SNX29: variants seen among roughly 807,000 people sequenced by gnomAD.
The protein encoded by SNX29 is sorting nexin 29.
A neutral mutation model predicts 102.1 loss-of-function variants in SNX29; 78 were observed. The observed-to-expected ratio is 0.76, with a 90% CI of 0.64 to 0.92. The LOEUF (loss-of-function observed/expected upper bound fraction) is 0.92, where lower values mean the gene tolerates loss of function less well. Among genes scored for constraint, SNX29 ranks in the 40% least tolerant of loss-of-function variants. The pLI is 0.00. For synonymous variants in SNX29, 580 were observed against 414.5 expected, an observed-to-expected ratio of 1.40 and a Z score of -4.85; for missense variants, 1,280 against 1,061.7, an observed-to-expected ratio of 1.21 and a Z score of -2.86.
chr16:12,566,894 A>G (rs1166613197), intron 20 of SNX29, among the ~76,000 whole-genome samples: 2 of 152,250 alleles, frequency 1.3e-5, no homozygotes, highest in Admixed American at 1.3e-4. Flanking sequence ...GACTTACAGG[A>G]AAAGACAATC....
chr16:12,555,584 C>A (rs55779146), intron 20 of SNX29, among the ~76,000 whole-genome samples: 16 of 151,802 alleles, frequency 1.1e-4, no homozygotes, highest in Non-Finnish European at 1.6e-4. Context: ...CTCCATTTCT[C>A]CCTGTACCCA....
intron 14 of SNX29, among the ~76,000 whole-genome samples, chr16:12,221,563 A>G (rs890239583): frequency 5.3e-5 from 8 of 152,184 alleles, no homozygotes; most frequent in African/African-American, 1.9e-4. Flanking sequence ...GCAGTAAGCC[A>G]AGATGGCGCC....
chr16:12,410,954 G>A (rs1054169776), intron 18 of SNX29, among the ~76,000 whole-genome samples: 16 of 152,118 alleles, frequency 1.1e-4, no homozygotes, highest in Admixed American at 9.8e-4. Context: ...GGGCCCTCAA[G>A]TTCTCTTTTA....
chr16:12,351,518 G>C (rs1412810403), intron 15 of SNX29, among the ~76,000 whole-genome samples: 1 of 152,188 alleles, frequency 6.6e-6, no homozygotes, highest in Non-Finnish European at 1.5e-5. Flanking sequence ...GGTGAAGCAT[G>C]ATTTACTTGA....
At chr16:12,411,431 G>T (rs1376237374) in intron 18 of SNX29, among the ~76,000 whole-genome samples, 2 of 152,172 alleles carry the variant, frequency 1.3e-5, no homozygotes, top group Non-Finnish European at 2.9e-5. Flanking sequence ...AATGCTCAGG[G>T]CTCCCAGGAA....
In SNX29 at chr16:12,078,822, C is replaced by G. The variant is rs1159960291; in HGVS notation, c.1320-11C>G. ...GCCGAGTGTAACTTCCTCCTGCCTG[C>G]TTTTTCCTAGTGTGGAAGCCAGCTC... is the stretch of plus-strand genomic sequence containing the variant. On this transcript the variant is annotated splice_polypyrimidine_tract_variant and intron_variant, in intron 10 of 20. Transcript: ENST00000566228. The G allele has an allele frequency of 8.8e-6, 14 of 1,593,490 alleles. No individual in the cohort carries two copies. The highest frequency in any genetic ancestry group is 1.2e-5 in the Non-Finnish European group (14 of 1,169,922).
chr16:12,125,109 C>T lies in SNX29; in HGVS notation c.1403-1524C>T, dbSNP rs555306902. On this transcript the variant is annotated intron_variant, in intron 11 of 20. Coordinates refer to ENST00000566228, the MANE Select transcript of SNX29 (RefSeq NM_032167.5). ...CGTACTTGGCGAAGTATAATATTTA[C>T]CTGATCTGTGGAAATCACCCCGATG... Among the ~76,000 whole-genome samples, 3 of 152,262 alleles carry T rather than the reference C, an allele frequency of 2.0e-5. No homozygotes were observed. In the South Asian group the frequency reaches 6.2e-4, roughly 32 times the overall value.
chr16:12,356,071 A>G, intron 15 of SNX29, 92 bp from the exon 16 acceptor site: 1 of 1,174,006 alleles, frequency 8.5e-7, no homozygotes, highest in Non-Finnish European at 1.2e-6. Flanking sequence ...TGTTTTGCTG[A>G]CAGGTGTCAG....
chr16:12,468,468 A>G (rs1157544699), intron 18 of SNX29, among the ~76,000 whole-genome samples: 2 of 151,884 alleles, frequency 1.3e-5, no homozygotes, highest in South Asian at 2.1e-4. Flanking sequence ...GCAACCTCCA[A>G]CTCAATATTT....
rs2079213417 is a variant in SNX29 at position 12,572,694 on chromosome 16, C to CA, written c.*4066dup. On this transcript the variant is annotated 3_prime_UTR_variant, in exon 21 of 21. Coordinates refer to ENST00000566228, the MANE Select transcript of SNX29 (RefSeq NM_032167.5). Reference sequence around the variant, plus strand: ...CCCACACGGGGGAAGCCCTGCACTCCAGCAGCATCTTCCAGCCTTGGCACA... The same window carrying CA: ...CCCACACGGGGGAAGCCCTGCACTCCAAGCAGCATCTTCCAGCCTTGGCACA... 9.4e-7 allele frequency: 1 copy of CA among 1,063,712 alleles called. No homozygotes were observed. The highest frequency in any genetic ancestry group is 5.0e-5 in the East Asian group (1 of 19,910). 65.9% of individuals were successfully genotyped at this position (1,063,712 alleles called of 1,614,324 possible). A position where few individuals can be genotyped will look rare whatever the true frequency, so the allele number is the denominator to read the frequency against.
At chr16:12,237,197 C>T (rs992341174) in intron 14 of SNX29, among the ~76,000 whole-genome samples, 26 of 152,244 alleles carry the variant, frequency 1.7e-4, no homozygotes, top group South Asian at 4.1e-4. Flanking sequence ...TGTCCACCCC[C>T]GACTCCTCAC....
At chr16:12,044,128 C>A (rs998198080) in intron 5 of SNX29, among the ~76,000 whole-genome samples, 4 of 152,212 alleles carry the variant, frequency 2.6e-5, no homozygotes, top group East Asian at 1.9e-4. Context: ...CGGAGCGACA[C>A]TGACGAATCC....
chr16:12,078,881 A>C lies in SNX29; in HGVS notation c.1368A>C (p.Leu456Phe). 6.2e-7 allele frequency: 1 copy of C among 1,606,664 alleles called. No homozygotes were observed. The highest frequency in any genetic ancestry group is 8.5e-7 in the Non-Finnish European group (1 of 1,176,788). ...ACGGAAGTCCTCTGAGCAGCCTGTT[A>C]CCTTCTGCCTCAGTGCCAGAGTCCA... Reference protein sequence around the residue: ...PGHGSPLSSLLPSASVPESMT... With the variant: ...PGHGSPLSSLFPSASVPESMT... Residue 456 changes from leucine (L) to phenylalanine (F), a missense_variant, in exon 11 of 21, where the codon TTA (leucine) becomes TTC (phenylalanine). By Grantham distance (22) the Leu-to-Phe change is conservative. Transcript: ENST00000566228.
chr16:12,013,897 C>T (rs1020574405), intron 3 of SNX29, among the ~76,000 whole-genome samples: 3 of 151,896 alleles, frequency 2.0e-5, no homozygotes, highest in Non-Finnish European at 4.4e-5. Flanking sequence ...GCAATCTACC[C>T]GCTTCGGCCC....
intron 20 of SNX29, among the ~76,000 whole-genome samples, chr16:12,565,477 C>T (rs1309509537): frequency 6.6e-6 from 1 of 152,228 alleles, no homozygotes; most frequent in East Asian, 1.9e-4. Flanking sequence ...CAAACCATCA[C>T]AGCACCCCTG....
intron 14 of SNX29, among the ~76,000 whole-genome samples, chr16:12,223,929 A>G (rs1337152411): frequency 6.6e-6 from 1 of 152,202 alleles, no homozygotes; most frequent in Non-Finnish European, 1.5e-5. Flanking sequence ...GGACATACGA[A>G]GAAACGTAGC....
At chr16:12,414,076 G>A (rs978698065) in intron 18 of SNX29, among the ~76,000 whole-genome samples, 2 of 152,146 alleles carry the variant, frequency 1.3e-5, no homozygotes, top group Admixed American at 1.3e-4. Context: ...TTGTTACATG[G>A]TATTGCTTAG....
chr16:12,213,839 G>A (rs1268847744), intron 14 of SNX29, among the ~76,000 whole-genome samples: 1 of 152,186 alleles, frequency 6.6e-6, no homozygotes, highest in Non-Finnish European at 1.5e-5. Flanking sequence ...AGGTGGGCTG[G>A]GAGACGTGGG....
intron 18 of SNX29, among the ~76,000 whole-genome samples, chr16:12,403,965 G>T (rs1005349564): frequency 1.3e-5 from 2 of 152,168 alleles, no homozygotes; most frequent in Non-Finnish European, 2.9e-5. Flanking sequence ...AGCAGCGCCA[G>T]GTTCTCAGCC....
Sources: gnomAD v4.1 joint callset for allele counts (sites outside exome capture counted in the v4.1 genomes callset) on GRCh38, gnomAD v4.1.1 for gene constraint, MANE v1.5 for transcripts, NCBI Gene and HGNC (gene_info 2026-07-23, HGNC 2026-07-21) for gene names.